The following ATP8B1 variants were observed in gnomAD, a reference collection of about 807,000 sequenced individuals.
ATP8B1 encodes ATPase phospholipid transporting 8B1.
Under a neutral mutation model 149.9 loss-of-function variants are expected in ATP8B1, and 80 were observed. That is an observed-to-expected ratio of 0.53 (90% CI 0.45 to 0.64). The LOEUF is 0.64. Among genes scored for constraint, ATP8B1 ranks in the 30% least tolerant of loss-of-function variants. The pLI, the probability that ATP8B1 is intolerant of heterozygous loss-of-function variation, is 0.00. For missense variants in ATP8B1, 1,247 were observed against 1,552.6 expected (o/e 0.80, Z 3.31); for synonymous variants, 536 against 562.8 (o/e 0.95, Z 0.67).
intron 27 of ATP8B1, among the ~76,000 whole-genome samples, chr18:57,649,374 GA>G (rs941464581): frequency 4.6e-5 from 7 of 152,122 alleles, no homozygotes; most frequent in African/African-American, 1.7e-4. Context: ...CACACAGCTA[GA>G]AAATGCAAAG....
intron 22 of ATP8B1, among the ~76,000 whole-genome samples, chr18:57,658,767 G>C (rs548312159): frequency 1.3e-5 from 2 of 152,060 alleles, no homozygotes; most frequent in South Asian, 4.1e-4. Context: ...TCAGGCTCAA[G>C]TAATCCTTCC....
At chr18:57,690,802 G>T (rs1912491396) in intron 12 of ATP8B1, among the ~76,000 whole-genome samples, 1 of 152,204 alleles carries the variant, frequency 6.6e-6, no homozygotes, top group South Asian at 2.1e-4. Context: ...AACTCTGGCT[G>T]CTGGGTTTAT....
chr18:57,748,355 C>T (rs527503366), intron 1 of ATP8B1, among the ~76,000 whole-genome samples: 77 of 152,334 alleles, frequency 5.1e-4, no homozygotes, highest in African/African-American at 1.8e-3. Flanking sequence ...CATGCTGCCA[C>T]AAGCCAAGGA....
At chr18:57,790,538 C>A (rs189390446) in intron 1 of ATP8B1, among the ~76,000 whole-genome samples, 221 of 152,192 alleles carry the variant, frequency 1.5e-3, no homozygotes, top group Non-Finnish European at 2.7e-3. Context: ...AAGCTCTCAC[C>A]CACCCCAGGG....
Position 57,701,020 on chromosome 18 carries a change from T to TA in ATP8B1, c.554+18dup, listed in dbSNP as rs1397547552. ...ATGCATTACATCCTTGAAACTCAGT[T>TA]ACTAATTAGACACAGTACCTGCCAT... On this transcript the variant is annotated intron_variant, in intron 6 of 27. Transcript: ENST00000648908. 3.1e-6 allele frequency: 5 copies of TA among 1,605,434 alleles called. No homozygotes were observed. Among genetic ancestry groups the TA allele is most frequent in the Non-Finnish European group, 4.3e-6 (5 of 1,172,090 alleles).
At chr18:57,719,687 G>A (rs990574328) in intron 2 of ATP8B1, among the ~76,000 whole-genome samples, 6 of 152,222 alleles carry the variant, frequency 3.9e-5, no homozygotes. Context: ...TGGGGGAGAG[G>A]TGCCCGCCAT....
intron 1 of ATP8B1, among the ~76,000 whole-genome samples, chr18:57,791,174 C>T (rs923358237): frequency 1.3e-5 from 2 of 152,152 alleles, no homozygotes; most frequent in African/African-American, 4.8e-5. Flanking sequence ...CCCTGGCAAC[C>T]ACTGCTCAGT....
intron 1 of ATP8B1, among the ~76,000 whole-genome samples, chr18:57,736,525 A>G (rs1377472914): frequency 4.9e-5 from 7 of 142,034 alleles, no homozygotes; most frequent in Non-Finnish European, 9.0e-5. Flanking sequence ...TAGTAGGACA[A>G]TCATAGCTCA....
intron 12 of ATP8B1, among the ~76,000 whole-genome samples, chr18:57,689,329 T>C (rs1912414023): frequency 6.6e-6 from 1 of 152,190 alleles, no homozygotes. Context: ...CAAAAGGCTT[T>C]TGGCAAATAC....
chr18:57,721,257 A>C lies in ATP8B1; in HGVS notation c.181+10370T>G, dbSNP rs201610458. Among the ~76,000 whole-genome samples the C allele has an allele frequency of 1.8e-4, 27 of 147,926 alleles. No homozygotes were observed. In the East Asian group the frequency reaches 3.6e-3, roughly 20 times the overall value. ...ATTCACACATAACAATATTCACTTT[A>C]AATGTAAATGGACTAAATTCTCCAA... On this transcript the variant is annotated intron_variant, in intron 2 of 27. Transcript: ENST00000648908.
At chr18:57,663,013 T>C (rs1050889999) in intron 20 of ATP8B1, among the ~76,000 whole-genome samples, 1 of 152,234 alleles carries the variant, frequency 6.6e-6, no homozygotes, top group Non-Finnish European at 1.5e-5. Context: ...TATAGTCACA[T>C]TGTTATCCAA....
chr18:57,674,858 C>T lies in ATP8B1; in HGVS notation c.1795G>A (p.Asp599Asn). ...NVLAILDFNSDRKRMSIIVRT... is the reference protein window; with the variant it reads ...NVLAILDFNSNRKRMSIIVRT... ...CCAATGATAGACATTCGCTTCCGGT[C>T]ACTGTTGAAGTCCAAAATGGCAAGA... The change falls in exon 16 of 28, where the codon GAC becomes AAC. Residue 599 changes from aspartate to asparagine, a missense_variant. Transcript: ENST00000648908. 1 of 1,614,114 alleles carries T rather than the reference C, an allele frequency of 6.2e-7. No individual in the cohort carries two copies. The highest frequency in any genetic ancestry group is 8.5e-7 in the Non-Finnish European group (1 of 1,180,010).
At chr18:57,758,453 C>T (rs1356256728) in intron 1 of ATP8B1, among the ~76,000 whole-genome samples, 14 of 150,136 alleles carry the variant, frequency 9.3e-5, no homozygotes, top group Admixed American at 8.7e-4. Flanking sequence ...CCAGCCTGAC[C>T]AACATGGAGA....
intron 7 of ATP8B1, 43 bp downstream of exon 7, chr18:57,697,752 G>C (rs1912896279): frequency 5.0e-6 from 8 of 1,611,228 alleles, no homozygotes; most frequent in African/African-American, 1.3e-5. Context: ...CACAGGGGCT[G>C]GGGGAGAACA....
intron 1 of ATP8B1, 183 bp from the exon 2 acceptor site, chr18:57,732,015 A>C: frequency 1.8e-6 from 1 of 551,360 alleles, no homozygotes; most frequent in Non-Finnish European, 3.2e-6. Context: ...GTACTGATTA[A>C]ATGCTTGGGT....
chr18:57,740,518 A>T (rs983641097), intron 1 of ATP8B1: 1 of 148,380 alleles, frequency 6.7e-6, no homozygotes, highest in Admixed American at 6.7e-5. Context: ...CACATCTTTA[A>T]TTTCCTGTGA....
intron 2 of ATP8B1, among the ~76,000 whole-genome samples, chr18:57,719,881 G>C (rs543627870): frequency 8.3e-4 from 127 of 152,328 alleles, no homozygotes; most frequent in African/African-American, 3.0e-3. Context: ...GGTTCTCCCA[G>C]CACGCAGCTG....
chr18:57,648,367 T>G lies in ATP8B1; in HGVS notation c.*121A>C. 1 of 1,153,084 alleles carries G rather than the reference T, an allele frequency of 8.7e-7. No homozygotes were observed. Among genetic ancestry groups the G allele is most frequent in the Non-Finnish European group, 1.3e-6 (1 of 784,242 alleles). 71.4% of individuals were successfully genotyped at this position (1,153,084 alleles called of 1,614,324 possible). A position where few individuals can be genotyped will look rare whatever the true frequency, so the allele number is the denominator to read the frequency against. Reference sequence around the variant, plus strand: ...AACCCAAGGAGTTTGTTATAAAGATTATTTATTGTCTTCAATATCTTTGTG... The same window carrying G: ...AACCCAAGGAGTTTGTTATAAAGATGATTTATTGTCTTCAATATCTTTGTG... On this transcript the variant is annotated 3_prime_UTR_variant, in exon 28 of 28. Coordinates refer to ENST00000648908, the MANE Select transcript of ATP8B1 (RefSeq NM_001374385.1).
At chr18:57,737,379 C>T (rs1265702332) in intron 1 of ATP8B1, among the ~76,000 whole-genome samples, 2 of 151,870 alleles carry the variant, frequency 1.3e-5, no homozygotes, top group Non-Finnish European at 2.9e-5. Flanking sequence ...TCAGATGACA[C>T]AAACCACTGT....
Sources: gnomAD v4.1 joint callset for allele counts (sites outside exome capture counted in the v4.1 genomes callset) on GRCh38, gnomAD v4.1.1 for gene constraint, MANE v1.5 for transcripts, NCBI Gene and HGNC (gene_info 2026-07-23, HGNC 2026-07-21) for gene names.